Variants in ARMC2 observed in about 807,000 individuals in gnomAD.
ARMC2 encodes the protein armadillo repeat-containing protein 2.
In ARMC2, 67 loss-of-function variants were observed where a neutral mutation model predicts 90.3. The observed-to-expected ratio is 0.74, with a 90% CI of 0.61 to 0.91. The LOEUF is 0.91. ARMC2 is among the 40% of genes least tolerant of loss of function. The pLI is 0.00. For missense variants in ARMC2, 920 were observed against 1,030.9 expected (o/e 0.89, Z 1.47); for synonymous variants, 393 against 393.0 (o/e 1.00, Z 0.00).
chr6:109,017,506 C>T, the ARMC2 span, among the ~76,000 whole-genome samples: 2 of 152,076 alleles, frequency 1.3e-5, no homozygotes, highest in African/African-American at 4.8e-5. Flanking sequence ...AGGATGGTCT[C>T]GATCTCCTCA....
chr6:108,937,373 C>T (rs1323807436), intron 12 of ARMC2, among the ~76,000 whole-genome samples: 1 of 152,096 alleles, frequency 6.6e-6, no homozygotes, highest in East Asian at 1.9e-4. Context: ...TCATTCCAGT[C>T]TACTGAGTCA....
chr6:108,879,639 A>G (rs999923388), intron 5 of ARMC2, among the ~76,000 whole-genome samples: 5 of 150,268 alleles, frequency 3.3e-5, no homozygotes, highest in African/African-American at 1.2e-4. Context: ...CTTTCAAAGC[A>G]GATGAATCTC....
the ARMC2 span, among the ~76,000 whole-genome samples, chr6:109,006,014 G>A: frequency 2.0e-5 from 3 of 151,962 alleles, no homozygotes; most frequent in East Asian, 1.9e-4. Flanking sequence ...TTCAGTTTTC[G>A]GCTTATTTCT....
chr6:109,029,359 A>G, the ARMC2 span, among the ~76,000 whole-genome samples: 1 of 152,236 alleles, frequency 6.6e-6, no homozygotes, highest in African/African-American at 2.4e-5. Context: ...ATTTATGGCA[A>G]TTGTACTATT....
intron 13 of ARMC2, among the ~76,000 whole-genome samples, chr6:108,959,030 A>G (rs1777796444): frequency 6.6e-6 from 1 of 152,202 alleles, no homozygotes. Flanking sequence ...AGTAGAATCC[A>G]TATTGATAAC....
chr6:108,959,263 A>G (rs1302421799), intron 13 of ARMC2, among the ~76,000 whole-genome samples: 1 of 152,192 alleles, frequency 6.6e-6, no homozygotes, highest in Non-Finnish European at 1.5e-5. Flanking sequence ...GTAATTTATA[A>G]AAAGGCTGTT....
the ARMC2 span, chr6:108,986,375 T>C: frequency 4.6e-5 from 7 of 152,728 alleles, no homozygotes; most frequent in Middle Eastern, 3.4e-3. Flanking sequence ...TGAAAGTAGA[T>C]AGAAACTCAA....
the ARMC2 span, among the ~76,000 whole-genome samples, chr6:108,980,217 CTGTT>C: frequency 6.6e-6 from 1 of 152,062 alleles, no homozygotes; most frequent in Non-Finnish European, 1.5e-5. Flanking sequence ...CTATTCCTTT[CTGTT>C]TGTTAGTTTT....
intron 3 of ARMC2, among the ~76,000 whole-genome samples, chr6:108,865,614 A>G (rs1183837520): frequency 2.0e-5 from 3 of 152,238 alleles, no homozygotes; most frequent in Non-Finnish European, 1.5e-5. Flanking sequence ...CACTAAGAAA[A>G]TAATGCCTTT....
intron 7 of ARMC2, among the ~76,000 whole-genome samples, chr6:108,901,563 G>A (rs537983393): frequency 5.3e-5 from 8 of 151,662 alleles, no homozygotes; most frequent in Middle Eastern, 3.4e-3. Context: ...TGACAGGTGC[G>A]CACCACCACA....
chr6:108,852,102 A>G (rs2148822), intron 1 of ARMC2, among the ~76,000 whole-genome samples: 17,287 of 152,200 alleles, frequency 0.11, 1,242 homozygotes, highest in Middle Eastern at 0.18. Flanking sequence ...TGGTTCAGGT[A>G]TACTTTAAGT....
At chr6:108,897,252 G>A (rs912200422) in intron 6 of ARMC2, among the ~76,000 whole-genome samples, 2 of 152,146 alleles carry the variant, frequency 1.3e-5, no homozygotes, top group Admixed American at 1.3e-4. Context: ...GGGGTGGTAC[G>A]TAATATGCAA....
chr6:108,866,789 G>A (rs1018769325), intron 3 of ARMC2, among the ~76,000 whole-genome samples: 13 of 152,058 alleles, frequency 8.5e-5, no homozygotes, highest in Non-Finnish European at 1.2e-4. Flanking sequence ...TTAGAAAAAT[G>A]TGTCTTTAAT....
chr6:109,003,129 G>A, the ARMC2 span, among the ~76,000 whole-genome samples: 2 of 151,886 alleles, frequency 1.3e-5, no homozygotes, highest in Non-Finnish European at 1.5e-5. Flanking sequence ...TCCCCATATA[G>A]TGTGTTTACA....
rs769355634 is a variant in ARMC2 at position 108,912,535 on chromosome 6, A to C, written c.1327A>C (p.Asn443His). 6.2e-7 allele frequency: 1 copy of C among 1,613,574 alleles called. No individual in the cohort carries two copies. Among genetic ancestry groups the C allele is most frequent in the African/African-American group, 1.3e-5 (1 of 75,050 alleles). The change falls in exon 10 of 18, where the codon AAT becomes CAT. Residue 443 changes from asparagine to histidine, a missense_variant. Coordinates refer to ENST00000392644, the MANE Select transcript of ARMC2 (RefSeq NM_032131.6). Reference protein sequence around the residue: ...NIKKCGTFLPNSGHLLVQVTA... With the variant: ...NIKKCGTFLPHSGHLLVQVTA... Reference sequence around the variant, plus strand: ...CAAGAAATGTGGTACATTTTTGCCTAATTCGGGCCACTTGCTAGTCCAGGT... The same window carrying C: ...CAAGAAATGTGGTACATTTTTGCCTCATTCGGGCCACTTGCTAGTCCAGGT...
chr6:108,848,640 C>CGGTCTGG (rs1773676446), intron 1 of ARMC2, 94 bp downstream of exon 1: 1 of 152,476 alleles, frequency 6.6e-6, no homozygotes, highest in Non-Finnish European at 1.5e-5. Flanking sequence ...CCTGGCCCTG[C>CGGTCTGG]GGTCTGGCTG....
At chr6:109,048,098 AT>A in the ARMC2 span, among the ~76,000 whole-genome samples, 2 of 132,610 alleles carry the variant, frequency 1.5e-5, no homozygotes, top group East Asian at 2.0e-4. Context: ...CAATAAAAAA[AT>A]AAATTAAAAA....
chr6:108,879,845 A>C (rs1777344326), intron 5 of ARMC2: 1 of 448,436 alleles, frequency 2.2e-6, no homozygotes. Flanking sequence ...GTATTTGGCA[A>C]GTATCTTAAC....
At chr6:108,859,146 G>GTA (rs756455000) in intron 3 of ARMC2, among the ~76,000 whole-genome samples, 1 of 152,056 alleles carries the variant, frequency 6.6e-6, no homozygotes, top group Non-Finnish European at 1.5e-5. Context: ...TGTATTATTA[G>GTA]TATTTCAACC....
Sources: allele counts gnomAD v4.1 joint callset (sites outside exome capture counted in the v4.1 genomes callset), GRCh38; gene constraint gnomAD v4.1.1; transcripts MANE v1.5; gene names NCBI Gene and HGNC (gene_info 2026-07-23, HGNC 2026-07-21).